RHBDD3: variants seen among roughly 807,000 people sequenced by gnomAD.
RHBDD3 encodes the protein rhomboid domain containing 3.
Under a neutral mutation model 32.3 loss-of-function variants are expected in RHBDD3, and 34 were observed. That is an observed-to-expected ratio of 1.05 (90% CI 0.80 to 1.40). RHBDD3 has a LOEUF of 1.40. Ranked by LOEUF, RHBDD3 falls within the 40% of genes most tolerant of loss-of-function variation. The pLI, the probability that RHBDD3 is intolerant of heterozygous loss-of-function variation, is 0.00. For synonymous variants in RHBDD3, 249 were observed against 239.1 expected, an observed-to-expected ratio of 1.04 and a Z score of -0.38; for missense variants, 482 against 492.6, an observed-to-expected ratio of 0.98 and a Z score of 0.20.
At chr22:29,265,336 T>A in intron 3 of RHBDD3, 143 bp downstream of exon 3, 1 of 619,966 alleles carries the variant, frequency 1.6e-6, no homozygotes, top group Middle Eastern at 4.4e-4. Flanking sequence ...CTGGGCATGC[T>A]CCTGTCTAAG....
rs941995295 is a variant in RHBDD3 at position 29,267,897 on chromosome 22, A to C, written c.-344T>G. ...CTGCCGACCGGCTGGCGCGCCACCCATTCCCCGCGGCCCGCGGATTAGTCA... is the reference window on the plus strand; with the variant it reads ...CTGCCGACCGGCTGGCGCGCCACCCCTTCCCCGCGGCCCGCGGATTAGTCA... On this transcript the variant is annotated 5_prime_UTR_variant, in exon 1 of 7. It removes an upstream start codon present in the reference 5' UTR. Coordinates refer to ENST00000216085, the MANE Select transcript of RHBDD3 (RefSeq NM_012265.3). The C allele has an allele frequency of 5.8e-5, 13 of 222,254 alleles. No individual in the cohort carries two copies. The highest frequency in any genetic ancestry group is 7.3e-5 in the Non-Finnish European group (8 of 109,738). The allele number at this position is 222,254 out of a possible 1,614,324, so 13.8% of individuals were successfully genotyped here. A position where few individuals can be genotyped will look rare whatever the true frequency, so the allele number is the denominator to read the frequency against.
At position 29,260,059 on chromosome 22, in the gene RHBDD3, G is replaced by C; in HGVS notation, c.*1C>G. ...TGCCTGTGCCCCACTCTCTGCCTGGGCTAGGGAGGCCCAGGACCCTCGGAG... is the reference window on the plus strand; with the variant it reads ...TGCCTGTGCCCCACTCTCTGCCTGGCCTAGGGAGGCCCAGGACCCTCGGAG... On this transcript the variant is annotated 3_prime_UTR_variant, in exon 7 of 7. Coordinates refer to ENST00000216085, the MANE Select transcript of RHBDD3 (RefSeq NM_012265.3). 1 of 1,557,950 alleles carries C rather than the reference G, an allele frequency of 6.4e-7. No individual in the cohort carries two copies. The highest frequency in any genetic ancestry group is 8.7e-7 in the Non-Finnish European group (1 of 1,151,262).
chr22:29,262,284 G>A (rs181296878), intron 4 of RHBDD3, among the ~76,000 whole-genome samples: 74 of 151,782 alleles, frequency 4.9e-4, no homozygotes, highest in African/African-American at 1.6e-3. Flanking sequence ...GATTACAGGC[G>A]TGTGCCACCA....
Position 29,263,803 on chromosome 22 carries a change from C to G in RHBDD3, c.532+32G>C, listed in dbSNP as rs544214936. 1.7e-5 allele frequency: 25 copies of G among 1,483,308 alleles called. No homozygotes were observed. The African/African-American group carries it at 3.4e-4, about 20-fold the overall frequency. 91.9% of individuals were successfully genotyped at this position (1,483,308 alleles called of 1,614,324 possible). ...GCACCCACCCACAGAACCCACACAT[C>G]CCCACGGGCCCTGGGCTCAGGCAAA... On this transcript the variant is annotated intron_variant, in intron 4 of 6. Coordinates refer to ENST00000216085, the MANE Select transcript of RHBDD3 (RefSeq NM_012265.3).
In RHBDD3 at chr22:29,265,549, G is replaced by T; in HGVS notation, c.78C>A (p.Ser26Arg). Residue 26 changes from serine to arginine, a missense_variant, in exon 3 of 7, where the codon AGC (serine) becomes AGA (arginine). Ser to Arg is a moderately radical substitution (Grantham distance 110, BLOSUM62 -1). Transcript: ENST00000216085. Reference protein sequence around the residue: ...LASSVLMLLMSTLWLVGAGPG... With the variant: ...LASSVLMLLMRTLWLVGAGPG... ...GGCCGGCCCCCACCAGCCACAGGGTGCTCATCAGCAGCATCAGGACTGAGG... is the reference window on the plus strand; with the variant it reads ...GGCCGGCCCCCACCAGCCACAGGGTTCTCATCAGCAGCATCAGGACTGAGG... The T allele has an allele frequency of 1.3e-6, 2 of 1,587,242 alleles. No individual in the cohort carries two copies. The highest frequency in any genetic ancestry group is 1.7e-6 in the Non-Finnish European group (2 of 1,170,418).
At chr22:29,265,325 G>T in intron 3 of RHBDD3, 154 bp downstream of exon 3, 1 of 570,062 alleles carries the variant, frequency 1.8e-6, no homozygotes. Context: ...CTGTGGATGT[G>T]CTGGGCATGC....
At chr22:29,260,912 C>T (rs1198545056) in intron 4 of RHBDD3, 48 bp from the exon 5 acceptor site, 2 of 1,491,176 alleles carry the variant, frequency 1.3e-6, no homozygotes, top group Non-Finnish European at 1.8e-6. Flanking sequence ...CAAAAGCAGC[C>T]AGGGGTGGGC....
chr22:29,266,641 C>T (rs570594545), intron 2 of RHBDD3, among the ~76,000 whole-genome samples: 72 of 152,310 alleles, frequency 4.7e-4, no homozygotes, highest in Non-Finnish European at 7.3e-5. Flanking sequence ...AAGGCCTTCT[C>T]CCCCGTGCTG....
chr22:29,265,595 G>A lies in RHBDD3; in HGVS notation c.32C>T (p.Ser11Phe). The change falls in exon 3 of 7, where the codon TCC (serine) becomes TTC (phenylalanine). Residue 11 changes from serine to phenylalanine, a missense_variant. By Grantham distance (155) the Ser-to-Phe change is radical. Transcript: ENST00000216085. MHARGPHGQL[S>F]PALPLASSVL... is the part of the protein sequence containing the mutation. ...TGAGGAGGCCAGAGGCAGTGCTGGG[G>A]ACAGTTGGCCATGGGGGCCCCTGGC... 6.3e-7 allele frequency: 1 copy of A among 1,592,012 alleles called. No homozygotes were observed. Among genetic ancestry groups the A allele is most frequent in the South Asian group, 1.1e-5 (1 of 88,094 alleles).
In RHBDD3 at chr22:29,263,836, G is replaced by A; in HGVS notation, c.531C>T (p.Ala177=). 1.3e-6 allele frequency: 2 copies of A among 1,529,420 alleles called. No individual in the cohort carries two copies. Among genetic ancestry groups the A allele is most frequent in the Non-Finnish European group, 1.8e-6 (2 of 1,133,104 alleles). The allele number at this position is 1,529,420 out of a possible 1,614,324, so 94.7% of individuals were successfully genotyped here. A position where few individuals can be genotyped will look rare whatever the true frequency, so the allele number is the denominator to read the frequency against. Residue 177 remains alanine, a splice_region_variant and synonymous_variant, in exon 4 of 7, where the codon GCC becomes GCT. Coordinates refer to ENST00000216085, the MANE Select transcript of RHBDD3 (RefSeq NM_012265.3). ...QLLCGLLAGL[A]YAAGAFRWLE... is the part of the protein sequence containing the mutation. ...GCCCTGGGCTCAGGCAAAGGATACAGGCCAGGCCGGCAAGGAGGCCGCAAA... is the reference window on the plus strand; with the variant it reads ...GCCCTGGGCTCAGGCAAAGGATACAAGCCAGGCCGGCAAGGAGGCCGCAAA...
rs755422995 is a variant in RHBDD3 at position 29,260,473 on chromosome 22, C to T, written c.836G>A (p.Gly279Glu). 262 of 1,606,986 alleles carry T rather than the reference C, an allele frequency of 1.6e-4. No individual in the cohort carries two copies. The highest frequency in any genetic ancestry group is 2.0e-4 in the Non-Finnish European group (240 of 1,178,198). The change falls in exon 6 of 7, where the codon GGG (glycine) becomes GAG (glutamate). Residue 279 changes from glycine to glutamate, a missense_variant. By Grantham distance (98) the Gly-to-Glu change is moderately conservative (BLOSUM62 -2). Transcript: ENST00000216085. ...CGGAGTCCCTGGGGAGAAGCTGGCC[C>T]CAGCCCAGTCCAGGCCTGCCTCTGA... The part of the protein sequence containing the change: ...GSSEAGLDWA[G>E]ASFSPGTPMW...
intron 2 of RHBDD3, among the ~76,000 whole-genome samples, chr22:29,266,148 C>G (rs772435911): frequency 2.8e-4 from 43 of 152,150 alleles, no homozygotes; most frequent in Non-Finnish European, 5.3e-4. Context: ...GGCAGAAGTC[C>G]CACATCTTGA....
At chr22:29,261,143 CT>C in intron 4 of RHBDD3, 1 of 590,176 alleles carries the variant, frequency 1.7e-6, no homozygotes, top group Non-Finnish European at 3.1e-6. Flanking sequence ...CCCTATGCAC[CT>C]TTTCAGGTCT....
chr22:29,260,912 C>G (rs1198545056), intron 4 of RHBDD3, 48 bp from the exon 5 acceptor site: 1 of 1,491,174 alleles, frequency 6.7e-7, no homozygotes, highest in African/African-American at 1.4e-5. Flanking sequence ...CAAAAGCAGC[C>G]AGGGGTGGGC....
At position 29,260,204 on chromosome 22, in the gene RHBDD3, C is replaced by G; in HGVS notation, c.1017G>C (p.Thr339=). ...LQQLERMGFP[T]EQAVVALAAT... is the part of the protein sequence containing the mutation. ...CTGCCAGTGCCACCACCGCCTGCTC[C>G]GTAGGGAAGCCCATGCGCTCCAGCT... Residue 339 remains threonine (T), a synonymous_variant, in exon 7 of 7, where the codon ACG becomes ACC. Coordinates refer to ENST00000216085, the MANE Select transcript of RHBDD3 (RefSeq NM_012265.3). 1 of 1,597,154 alleles carries G rather than the reference C, an allele frequency of 6.3e-7. No individual in the cohort carries two copies. The highest frequency in any genetic ancestry group is 1.8e-5 in the Admixed American group (1 of 57,054).
intron 2 of RHBDD3, among the ~76,000 whole-genome samples, chr22:29,267,162 G>A (rs1302275304): frequency 3.3e-5 from 5 of 152,358 alleles, no homozygotes; most frequent in African/African-American, 1.2e-4. Flanking sequence ...GCCCTTCGCG[G>A]ACCCGGGCAT....
chr22:29,260,959 G>A, intron 4 of RHBDD3, 95 bp from the exon 5 acceptor site: 3 of 1,253,278 alleles, frequency 2.4e-6, no homozygotes, highest in Non-Finnish European at 3.2e-6. Flanking sequence ...AAGTGTGCTG[G>A]CCACCATTCC....
Position 29,260,853 on chromosome 22 carries a change from C to T in RHBDD3, c.544G>A (p.Ala182Thr), listed in dbSNP as rs202139465. Reference sequence around the variant, plus strand: ...TCTGAGGGTTCCAGCCACCGGAAGGCCCCAGCTGCATCTGTCTGCCCGGGG... The same window carrying T: ...TCTGAGGGTTCCAGCCACCGGAAGGTCCCAGCTGCATCTGTCTGCCCGGGG... ...LLAGLAYAAGAFRWLEPSERR... is the reference protein window; with the variant it reads ...LLAGLAYAAGTFRWLEPSERR... The change falls in exon 5 of 7, where the codon GCC (alanine) becomes ACC (threonine). Residue 182 changes from alanine to threonine, a missense_variant. Transcript: ENST00000216085. 2.0e-5 allele frequency: 31 copies of T among 1,586,430 alleles called. No homozygotes were observed. Among genetic ancestry groups the T allele is most frequent in the Non-Finnish European group, 2.7e-5 (31 of 1,169,678 alleles).
chr22:29,261,054 G>A (rs1242559122), intron 4 of RHBDD3, 190 bp from the exon 5 acceptor site: 2 of 662,650 alleles, frequency 3.0e-6, no homozygotes, highest in East Asian at 5.5e-5. Flanking sequence ...GGATCTGCCT[G>A]AAGCTACTCA....
Sources: gnomAD v4.1 joint callset for allele counts (sites outside exome capture counted in the v4.1 genomes callset) on GRCh38, gnomAD v4.1.1 for gene constraint, MANE v1.5 for transcripts, NCBI Gene and HGNC (gene_info 2026-07-23, HGNC 2026-07-21) for gene names.